Variants in DYNC1H1 observed in about 807,000 individuals in gnomAD.
The protein encoded by DYNC1H1 is cytoplasmic dynein 1 heavy chain 1.
A neutral mutation model predicts 527.1 loss-of-function variants in DYNC1H1; 51 were observed. The observed-to-expected ratio is 0.10, with a 90% CI of 0.08 to 0.12. The LOEUF (loss-of-function observed/expected upper bound fraction) is 0.12. Ranked by LOEUF, DYNC1H1 falls within the 10% of genes least tolerant of loss-of-function variation. The pLI is 1.00. For missense variants in DYNC1H1, 2,771 were observed against 5,971.8 expected, an observed-to-expected ratio of 0.46 and a Z score of 17.66; for synonymous variants, 2,189 against 2,278.8, an observed-to-expected ratio of 0.96 and a Z score of 1.12.
chr14:102,041,499 G>T lies in DYNC1H1; in HGVS notation c.11942-75G>T. ...ATTTGCTGAGTGGGTACTTTGGGAA[G>T]AACAGTCCAGGCAGGGGAGGGCGTC... On this transcript the variant is annotated intron_variant, in intron 64 of 77. Transcript: ENST00000360184. This position sits in a 1 kb window ranked among gnomAD's most constrained non-coding sequence, Gnocchi z 4.5. 6.2e-7 allele frequency: 1 copy of T among 1,608,188 alleles called. No individual in the cohort carries two copies. The highest frequency in any genetic ancestry group is 1.1e-5 in the South Asian group (1 of 90,610).
intron 48 of DYNC1H1, chr14:102,028,476 C>T: frequency 2.8e-6 from 1 of 362,818 alleles, no homozygotes; most frequent in Non-Finnish European, 5.3e-6. Context: ...GATCACGGCA[C>T]TGCAATCCAG....
At chr14:101,990,043 A>C (rs1798206649) in intron 10 of DYNC1H1, among the ~76,000 whole-genome samples, 1 of 152,244 alleles carries the variant, frequency 6.6e-6, no homozygotes, top group Admixed American at 6.5e-5. Flanking sequence ...CACATAGCCT[A>C]GGTGGGCAGC....
At chr14:101,977,889 GTTGT>G (rs1274596410) in intron 2 of DYNC1H1, among the ~76,000 whole-genome samples, 10 of 152,128 alleles carry the variant, frequency 6.6e-5, no homozygotes, top group Non-Finnish European at 4.4e-5. Flanking sequence ...AGTTTTTTGG[GTTGT>G]TTGTTTATTT....
intron 2 of DYNC1H1, among the ~76,000 whole-genome samples, chr14:101,976,607 CTT>C (rs1355721459): frequency 1.3e-5 from 2 of 151,674 alleles, no homozygotes; most frequent in Admixed American, 6.6e-5. Flanking sequence ...AATTCAGTGT[CTT>C]TGATTTCATG....
At chr14:102,013,624 G>T (rs1385295737) in intron 34 of DYNC1H1, among the ~76,000 whole-genome samples, 1 of 152,180 alleles carries the variant, frequency 6.6e-6, no homozygotes, top group African/African-American at 2.4e-5. Context: ...CAGGTCAGGG[G>T]CCTAGGAGGT....
chr14:101,968,785 C>T (rs1595592310), intron 1 of DYNC1H1, among the ~76,000 whole-genome samples: 1 of 152,198 alleles, frequency 6.6e-6, no homozygotes, highest in South Asian at 2.1e-4. Context: ...TGGTCTTGAA[C>T]TCTTGGACAC....
At chr14:102,014,172 A>T (rs113152273) in intron 34 of DYNC1H1, among the ~76,000 whole-genome samples, 2,707 of 152,220 alleles carry the variant, frequency 0.018, 21 homozygotes, top group Middle Eastern at 0.037. Context: ...CTGGAGTCCG[A>T]CCACCTGCTT....
At chr14:102,025,510 T>C (rs2403016) in intron 43 of DYNC1H1, among the ~76,000 whole-genome samples, 50,647 of 143,350 alleles carry the variant, frequency 0.35, 12,219 homozygotes, top group African/African-American at 0.71. Context: ...TGCAGTGAGC[T>C]GAGATCAGGC....
At position 102,043,958 on chromosome 14, in the gene DYNC1H1, G is replaced by C. The variant is rs781114938; in HGVS notation, c.12597G>C (p.Leu4199=). 6.2e-7 allele frequency: 1 copy of C among 1,614,228 alleles called. No individual in the cohort carries two copies. Among genetic ancestry groups the C allele is most frequent in the South Asian group, 1.1e-5 (1 of 91,084 alleles). ...AAGAACGCTTACGATACGCACCACT[G>C]GGGTGGTCAAAGAAGTATGAATTTG... is the stretch of plus-strand genomic sequence containing the variant. ...IIQERLRYAP[L]GWSKKYEFGE... is the part of the protein sequence containing the mutation. The change falls in exon 70 of 78, where the codon CTG becomes CTC. Residue 4199 remains leucine, a synonymous_variant. Coordinates refer to ENST00000360184, the MANE Select transcript of DYNC1H1 (RefSeq NM_001376.5).
At chr14:102,004,473 T>G (rs2048174018) in intron 23 of DYNC1H1, 45 bp from the exon 24 acceptor site, 2 of 1,568,778 alleles carry the variant, frequency 1.3e-6, no homozygotes, top group East Asian at 4.6e-5. Flanking sequence ...TCACCTTATA[T>G]GTGTATATAA....
intron 56 of DYNC1H1, chr14:102,034,666 T>C: frequency 1.2e-6 from 1 of 818,142 alleles, no homozygotes; most frequent in Non-Finnish European, 1.9e-6. Flanking sequence ...TCTTGTAACC[T>C]TCTAAAATCG....
At chr14:102,046,100 G>A (rs1193519399) in intron 72 of DYNC1H1, among the ~76,000 whole-genome samples, 2 of 151,938 alleles carry the variant, frequency 1.3e-5, no homozygotes, top group African/African-American at 4.8e-5. Context: ...CCCGGGAGGG[G>A]GAGCTTGCAG....
chr14:102,020,733 G>A lies in DYNC1H1; in HGVS notation c.8507+677G>A, dbSNP rs2048375474. ...GGAAGGTTTTGTGGTTTGAATTGCAGTAAGATGACTTGGCAGATGGTTCCC... is the reference window on the plus strand; with the variant it reads ...GGAAGGTTTTGTGGTTTGAATTGCAATAAGATGACTTGGCAGATGGTTCCC... On this transcript the variant is annotated intron_variant, in intron 42 of 77. Transcript: ENST00000360184. This position sits in a 1 kb window ranked among gnomAD's most constrained non-coding sequence, Gnocchi z 4.3. Among the ~76,000 whole-genome samples the A allele has an allele frequency of 6.6e-6, 1 of 152,254 alleles. No homozygotes were observed. Among genetic ancestry groups the A allele is most frequent in the Admixed American group, 6.5e-5 (1 of 15,282 alleles).
intron 15 of DYNC1H1, among the ~76,000 whole-genome samples, chr14:101,996,553 A>C (rs2048065092): frequency 6.6e-6 from 1 of 152,174 alleles, no homozygotes; most frequent in South Asian, 2.1e-4. Context: ...GGGCTCTCAG[A>C]GGATGTTGCC....
In DYNC1H1 at chr14:101,984,421, GTGTGTGTGTGTA is replaced by G. The variant is rs1331993272; in HGVS notation, c.1461+814_1461+825del. 2.0e-4 allele frequency among the ~76,000 whole-genome samples: 26 copies of G among 128,886 alleles called. No individual in the cohort carries two copies. The East Asian group carries it at 2.9e-3, about 14-fold the overall frequency. 84.6% of individuals were successfully genotyped at this position (128,886 alleles called of 152,430 possible). Reference sequence around the variant, plus strand: ...TATATATGTGTGTGTGTGTGTGTGTGTGTGTGTGTGTATATATATATATATTATATTTTTTTT... The same window carrying G: ...TATATATGTGTGTGTGTGTGTGTGTGTATATATATATATTATATTTTTTTT... On this transcript the variant is annotated intron_variant, in intron 7 of 77. Transcript: ENST00000360184.
Position 102,001,622 on chromosome 14 carries a change from A to G in DYNC1H1, c.4483A>G (p.Asn1495Asp). The change falls in exon 21 of 78, where the codon AAC becomes GAC. Residue 1495 changes from asparagine to aspartate, a missense_variant. Physicochemically the swap from Asn to Asp is conservative, Grantham distance 23. Transcript: ENST00000360184. This position sits in a 1 kb window ranked among gnomAD's most constrained non-coding sequence, Gnocchi z 5.0. Reference sequence around the variant, plus strand: ...GATCCGTGGCTGGGATGACCTCTTCAACAAGGTCAAAGAACACATCAACAG... The same window carrying G: ...GATCCGTGGCTGGGATGACCTCTTCGACAAGGTCAAAGAACACATCAACAG... The part of the protein sequence containing the change: ...RLIRGWDDLF[N>D]KVKEHINSVS... 6.2e-7 allele frequency: 1 copy of G among 1,614,214 alleles called. No individual in the cohort carries two copies. The highest frequency in any genetic ancestry group is 8.5e-7 in the Non-Finnish European group (1 of 1,180,040).
chr14:102,017,196 G>C lies in DYNC1H1; in HGVS notation c.7957G>C (p.Val2653Leu), dbSNP rs1208612980. 4 of 1,614,240 alleles carry C rather than the reference G, an allele frequency of 2.5e-6. No individual in the cohort carries two copies. The highest frequency in any genetic ancestry group is 1.7e-5 in the Admixed American group (1 of 60,030). ...RTPNGVVLAP[V>L]QLGKWLVLFC... is the part of the protein sequence containing the mutation. ...ACCTAATGGGGTGGTTTTGGCTCCT[G>C]TTCAACTTGGAAAGTGGCTGGTGTT... Residue 2653 changes from valine to leucine, a missense_variant, in exon 39 of 78, where the codon GTT (valine) becomes CTT (leucine). Val to Leu is a conservative substitution (Grantham distance 32). Transcript: ENST00000360184. The surrounding 1 kb of genome is among the most constrained non-coding windows in gnomAD (Gnocchi z 4.6).
At position 102,050,498 on chromosome 14, in the gene DYNC1H1, A is replaced by C. The variant is rs748354451; in HGVS notation, c.13876A>C (p.Ile4626Leu). Residue 4626 changes from isoleucine to leucine, a missense_variant, in exon 78 of 78, where the codon ATT (isoleucine) becomes CTT (leucine). Coordinates refer to ENST00000360184, the MANE Select transcript of DYNC1H1 (RefSeq NM_001376.5). ...CCTCATCTTCACCGTGGACTTCGAAATTGCTACAAAGGAGGATCCTCGCAG... is the reference window on the plus strand; with the variant it reads ...CCTCATCTTCACCGTGGACTTCGAACTTGCTACAAAGGAGGATCCTCGCAG... Reference protein sequence around the residue: ...ADLIFTVDFEIATKEDPRSFY... With the variant: ...ADLIFTVDFELATKEDPRSFY... 1.2e-6 allele frequency: 2 copies of C among 1,614,096 alleles called. No individual in the cohort carries two copies. The highest frequency in any genetic ancestry group is 2.7e-5 in the African/African-American group (2 of 74,930).
chr14:102,007,150 C>G (rs773732989), intron 28 of DYNC1H1, 42 bp downstream of exon 28: 3 of 1,597,016 alleles, frequency 1.9e-6, no homozygotes, highest in Non-Finnish European at 1.7e-6. Context: ...TAATGCCCTG[C>G]AGGGATCATT....
Sources: gnomAD v4.1 joint callset for allele counts (sites outside exome capture counted in the v4.1 genomes callset) on GRCh38, gnomAD v4.1.1 for gene constraint, Gnocchi (gnomAD v3.1) non-coding constraint, MANE v1.5 for transcripts, NCBI Gene and HGNC (gene_info 2026-07-23, HGNC 2026-07-21) for gene names.